The following PASD1 variants were observed in gnomAD, a reference collection of about 807,000 sequenced individuals.
The protein encoded by PASD1 is PAS domain containing repressor 1, also known as circadian clock protein PASD1.
A neutral mutation model predicts 58.8 loss-of-function variants in PASD1; 13 were observed. That is an observed-to-expected ratio of 0.22 (90% CI 0.14 to 0.35). The LOEUF is 0.35. Ranked by LOEUF, PASD1 falls within the 10% of genes least tolerant of loss-of-function variation. The pLI, the probability that PASD1 is intolerant of heterozygous loss-of-function variation, is 1.00. For missense variants in PASD1, 734 were observed against 568.3 expected (o/e 1.29, Z -2.96); for synonymous variants, 236 against 216.7 (o/e 1.09, Z -0.78).
intron 7 of PASD1, among the ~76,000 whole-genome samples, chrX:151,623,435 A>G (rs1170782520): frequency 1.8e-5 from 2 of 111,806 alleles, no homozygotes; most frequent in African/African-American, 6.5e-5. Context: ...CCACAACCCC[A>G]TTGGGTAGCT....
chrX:151,671,592 G>T lies in PASD1; in HGVS notation c.1250G>T (p.Arg417Leu). ...DHLQKQPNTLRHVVIPDLQSS... is the reference protein window; with the variant it reads ...DHLQKQPNTLLHVVIPDLQSS... ...TTACAGAAGCAGCCAAACACATTACGCCACGTTGTCATTCCTGATCTCCAA... is the reference window on the plus strand; with the variant it reads ...TTACAGAAGCAGCCAAACACATTACTCCACGTTGTCATTCCTGATCTCCAA... Residue 417 changes from arginine to leucine, a missense_variant, in exon 13 of 16, where the codon CGC (arginine) becomes CTC (leucine). Arg to Leu is a moderately radical substitution (Grantham distance 102). Transcript: ENST00000370357. The T allele has an allele frequency of 1.7e-6, 2 of 1,210,876 alleles. No individual in the cohort carries two copies. Among genetic ancestry groups the T allele is most frequent in the Non-Finnish European group, 2.2e-6 (2 of 895,310 alleles).
chrX:151,645,807 A>G (rs979280675), intron 8 of PASD1: 4 of 112,238 alleles, frequency 3.6e-5, no homozygotes, highest in African/African-American at 1.3e-4. Context: ...GCCCAAACTC[A>G]TTATTTACAT....
chrX:151,612,990 TTG>T (rs1480167354), intron 4 of PASD1, among the ~76,000 whole-genome samples: 1 of 111,773 alleles, frequency 8.9e-6, no homozygotes, highest in Non-Finnish European at 1.9e-5. Context: ...GAATTAATTT[TTG>T]TATAAGGTGT....
chrX:151,621,539 G>A lies in PASD1; in HGVS notation c.365G>A (p.Ser122Asn), dbSNP rs1319565661. The stretch of plus-strand genomic sequence containing the variant: ...AGAGGAAATGTCGAACATGGTGATA[G>A]TTCTGCTTACGAAAACGTGAAATTT... ...LKRGNVEHGDSSAYENVKFIV... is the reference protein window; with the variant it reads ...LKRGNVEHGDNSAYENVKFIV... The change falls in exon 6 of 16, where the codon AGT (serine) becomes AAT (asparagine). Residue 122 changes from serine to asparagine, a missense_variant. Ser to Asn is a conservative substitution (Grantham distance 46). Coordinates refer to ENST00000370357, the MANE Select transcript of PASD1 (RefSeq NM_173493.3). The A allele has an allele frequency of 8.3e-7, 1 of 1,207,172 alleles. No homozygotes were observed. The highest frequency in any genetic ancestry group is 2.2e-5 in the Admixed American group (1 of 45,613).
Position 151,621,231 on chromosome X carries a change from C to T in PASD1, c.307+202C>T, listed in dbSNP as rs995083129. On this transcript the variant is annotated intron_variant, in intron 5 of 15. Transcript: ENST00000370357. ...TAAATCTTATTCCTCACCACAGACC[C>T]TGAGTATTGTAGCATTTGTACAATT... Among the ~76,000 whole-genome samples the T allele has an allele frequency of 2.7e-5, 3 of 111,307 alleles. No homozygotes were observed. The South Asian group carries it at 1.1e-3, about 42-fold the overall frequency.
intron 3 of PASD1, among the ~76,000 whole-genome samples, chrX:151,605,175 A>G (rs7887266): frequency 0.38 from 41,974 of 110,588 alleles, 6,031 homozygotes; most frequent in African/African-American, 0.44. Flanking sequence ...CACTCTGAAG[A>G]ACCATATTCC....
At chrX:151,658,830 C>G (rs2014277756) in intron 9 of PASD1, among the ~76,000 whole-genome samples, 1 of 112,430 alleles carries the variant, frequency 8.9e-6, no homozygotes, top group African/African-American at 3.2e-5. Context: ...AAATATTTCA[C>G]TGCTAAACCA....
At chrX:151,656,072 T>C (rs1216206841) in intron 9 of PASD1, among the ~76,000 whole-genome samples, 1 of 112,370 alleles carries the variant, frequency 8.9e-6, no homozygotes, top group Non-Finnish European at 1.9e-5. Flanking sequence ...TTTCAACATA[T>C]GTCTAGCCAG....
At chrX:151,597,274 G>A (rs571838363) in intron 1 of PASD1, among the ~76,000 whole-genome samples, 72 of 112,094 alleles carry the variant, frequency 6.4e-4, no homozygotes, top group African/African-American at 2.2e-3. Context: ...ATCCATTTGC[G>A]AAATCATCAG....
intron 9 of PASD1, among the ~76,000 whole-genome samples, chrX:151,657,563 C>T (rs892471663): frequency 9.0e-6 from 1 of 111,612 alleles, no homozygotes; most frequent in Non-Finnish European, 1.9e-5. Context: ...TTCAGGGATT[C>T]AGCTTCTTCC....
chrX:151,567,867 ATATGTCAC>A (rs1163150301), intron 1 of PASD1, among the ~76,000 whole-genome samples: 2 of 111,195 alleles, frequency 1.8e-5, no homozygotes, highest in Non-Finnish European at 3.8e-5. Flanking sequence ...GACCACAGGC[ATATGTCAC>A]TATGCCCGGC....
In PASD1 at chrX:151,623,008, G is replaced by C. The variant is rs1404618769; in HGVS notation, c.490G>C (p.Glu164Gln). 8.3e-7 allele frequency: 1 copy of C among 1,207,613 alleles called. No individual in the cohort carries two copies. Among genetic ancestry groups the C allele is most frequent in the Non-Finnish European group, 1.1e-6 (1 of 893,495 alleles). ...CADFAACVPQ[E>Q]DRLYLVGNVC... is the part of the protein sequence containing the mutation. ...TGACTTTGCTGCATGTGTTCCTCAG[G>C]AGGATCGGCTTTATCTTGTGGGAAA... Residue 164 changes from glutamate to glutamine, a missense_variant, in exon 7 of 16, where the codon GAG becomes CAG. Physicochemically the swap from Glu to Gln is conservative, Grantham distance 29 (BLOSUM62 2). Coordinates refer to ENST00000370357, the MANE Select transcript of PASD1 (RefSeq NM_173493.3).
intron 8 of PASD1, among the ~76,000 whole-genome samples, chrX:151,633,667 A>G (rs1322824463): frequency 8.9e-6 from 1 of 112,021 alleles, no homozygotes; most frequent in Non-Finnish European, 1.9e-5. Context: ...GCATAAAATC[A>G]TTAAACTATT....
chrX:151,609,681 C>T (rs778618919), intron 3 of PASD1, among the ~76,000 whole-genome samples: 2 of 110,803 alleles, frequency 1.8e-5, no homozygotes, highest in South Asian at 7.4e-4. Context: ...TTGTTTGTTA[C>T]GCATTTTGGT....
In PASD1 at chrX:151,664,101, C is replaced by T. The variant is rs1602963313; in HGVS notation, c.842-18C>T. 8.3e-7 allele frequency: 1 copy of T among 1,211,412 alleles called. No homozygotes were observed. Among genetic ancestry groups the T allele is most frequent in the Non-Finnish European group, 1.1e-6 (1 of 895,246 alleles). ...TTTGCTTTTTAAGTCATGAACTCCC[C>T]TGTGCTTTCTTCCTCAGCCTTATCC... On this transcript the variant is annotated intron_variant, in intron 10 of 15. Transcript: ENST00000370357.
chrX:151,622,363 G>A (rs749119736), intron 6 of PASD1, among the ~76,000 whole-genome samples: 8 of 110,221 alleles, frequency 7.3e-5, no homozygotes, highest in Non-Finnish European at 1.1e-4. Flanking sequence ...AATAAGCAAA[G>A]AATGAAACAT....
chrX:151,586,767 C>T (rs749186541), intron 1 of PASD1, among the ~76,000 whole-genome samples: 8 of 111,147 alleles, frequency 7.2e-5, no homozygotes, highest in Non-Finnish European at 1.3e-4. Flanking sequence ...TGTAAATGTC[C>T]GGGGCATCCC....
intron 8 of PASD1, among the ~76,000 whole-genome samples, chrX:151,641,749 T>C (rs2013999462): frequency 9.0e-6 from 1 of 110,514 alleles, no homozygotes; most frequent in Admixed American, 9.6e-5. Context: ...TCCTGAGTCA[T>C]CTTGTTTCAC....
chrX:151,618,842 TGA>T (rs745917610), intron 4 of PASD1, among the ~76,000 whole-genome samples: 16 of 106,359 alleles, frequency 1.5e-4, no homozygotes, highest in Middle Eastern at 4.9e-3. Context: ...TGGAGTGCAG[TGA>T]GAGAGAGAGA....
Sources: gnomAD v4.1 joint callset for allele counts (sites outside exome capture counted in the v4.1 genomes callset) on GRCh38, gnomAD v4.1.1 for gene constraint, MANE v1.5 for transcripts, NCBI Gene and HGNC (gene_info 2026-07-23, HGNC 2026-07-21) for gene names.